Variants in NMU observed in about 807,000 individuals in gnomAD.
NMU encodes neuromedin U.
A neutral mutation model predicts 35.4 loss-of-function variants in NMU; 29 were observed. The observed-to-expected ratio is 0.82, with a 90% CI of 0.61 to 1.12. The LOEUF (loss-of-function observed/expected upper bound fraction) is 1.12, where lower values mean the gene tolerates loss of function less well. Among genes scored for constraint, NMU ranks in the 50% most tolerant of loss-of-function variants. NMU has a pLI of 0.00. For synonymous variants in NMU, 78 were observed against 81.3 expected, an observed-to-expected ratio of 0.96 and a Z score of 0.22; for missense variants, 199 against 206.2, an observed-to-expected ratio of 0.97 and a Z score of 0.21.
At chr4:55,603,206 T>C (rs1733496339) in intron 7 of NMU, among the ~76,000 whole-genome samples, 2 of 151,982 alleles carry the variant, frequency 1.3e-5, no homozygotes, top group African/African-American at 4.8e-5. Flanking sequence ...GAGACGGGAT[T>C]TCATCATGAT....
chr4:55,636,533 A>C (rs1377000310), upstream of NMU: 1 of 232,734 alleles, frequency 4.3e-6, no homozygotes, highest in East Asian at 9.6e-5. This position sits in a 1 kb window ranked among gnomAD's most constrained non-coding sequence, Gnocchi z 4.0. Context: ...TAAATAATGC[A>C]CCATTCCCAC....
chr4:55,598,150 A>G (rs1006422294), intron 9 of NMU, among the ~76,000 whole-genome samples: 3 of 134,712 alleles, frequency 2.2e-5, no homozygotes, highest in Non-Finnish European at 4.6e-5. Flanking sequence ...GCTGGAATGC[A>G]GAGGAAAGAT....
At chr4:55,599,388 T>G (rs1381097151) in intron 8 of NMU, among the ~76,000 whole-genome samples, 1 of 152,178 alleles carries the variant, frequency 6.6e-6, no homozygotes. Flanking sequence ...TCTAACAAGT[T>G]CTGAGGTGCT....
At chr4:55,625,231 C>T (rs2110208407) in intron 2 of NMU, among the ~76,000 whole-genome samples, 1 of 143,632 alleles carries the variant, frequency 7.0e-6, no homozygotes, top group East Asian at 2.1e-4. Context: ...CCAGCTGCAT[C>T]TTAACTTCTT....
chr4:55,617,515 A>G (rs1734152784), intron 2 of NMU, among the ~76,000 whole-genome samples: 2 of 152,030 alleles, frequency 1.3e-5, no homozygotes, highest in Non-Finnish European at 2.9e-5. Context: ...GGACACACAC[A>G]CACACACACA....
chr4:55,607,225 A>G (rs539411836), intron 6 of NMU, 73 bp downstream of exon 6: 4 of 1,093,960 alleles, frequency 3.7e-6, no homozygotes, highest in Non-Finnish European at 4.2e-6. Flanking sequence ...ATCTAGCTCT[A>G]TTATGCTGCA....
At chr4:55,604,238 G>T (rs1389119587) in intron 7 of NMU, among the ~76,000 whole-genome samples, 1 of 150,684 alleles carries the variant, frequency 6.6e-6, no homozygotes, top group Non-Finnish European at 1.5e-5. Context: ...GCTAATTTTT[G>T]TATTTTTAGT....
chr4:55,608,416 TG>T (rs748016084), intron 4 of NMU, among the ~76,000 whole-genome samples: 16 of 152,268 alleles, frequency 1.1e-4, no homozygotes, highest in Admixed American at 5.9e-4. Context: ...AAATTATGAA[TG>T]TTTTTTTCTT....
intron 2 of NMU, among the ~76,000 whole-genome samples, chr4:55,619,735 G>T (rs1157909581): frequency 1.4e-5 from 2 of 141,988 alleles, no homozygotes; most frequent in African/African-American, 5.2e-5. Context: ...CAAAAAGACA[G>T]CAGTAACCTC....
chr4:55,600,737 T>C (rs748530574), intron 7 of NMU, among the ~76,000 whole-genome samples, 162 bp from the exon 8 acceptor site: 7 of 152,038 alleles, frequency 4.6e-5, no homozygotes, highest in Non-Finnish European at 8.8e-5. Flanking sequence ...TACCTGAAAA[T>C]TTTCAACAAC....
Position 55,600,593 on chromosome 4 carries a change from G to T in NMU, c.436-18C>A, listed in dbSNP as rs769021806. The T allele has an allele frequency of 3.8e-6, 6 of 1,587,496 alleles. No individual in the cohort carries two copies. In the East Asian group the frequency reaches 1.3e-4, roughly 36 times the overall value. On this transcript the variant is annotated intron_variant, in intron 7 of 9. Transcript: ENST00000264218. ...AATTCTTCCTAGAAGAGAAAATGAG[G>T]GCATTACAAATCACATAACACTAAA...
At chr4:55,600,219 T>G (rs569190976) in intron 8 of NMU, among the ~76,000 whole-genome samples, 1 of 151,460 alleles carries the variant, frequency 6.6e-6, no homozygotes, top group African/African-American at 2.4e-5. Context: ...ACATAAGGAA[T>G]AGTGTATCTT....
Position 55,607,346 on chromosome 4 carries a change from G to T in NMU, c.312C>A (p.Phe104Leu), listed in dbSNP as rs776693365. The T allele has an allele frequency of 6.2e-7, 1 of 1,604,150 alleles. No homozygotes were observed. Among genetic ancestry groups the T allele is most frequent in the Non-Finnish European group, 8.5e-7 (1 of 1,171,772 alleles). ...EQDEKDNTKR[F>L]LFHYSKTQKL... is the part of the protein sequence containing the mutation. ...TCTGTGTCTTCGAATAATGAAATAA[G>T]AACTGTTTAAAAAAAGCAGTAAGTT... The change falls in exon 6 of 10, where the codon TTC becomes TTA. Residue 104 changes from phenylalanine (F) to leucine (L), a missense_variant and splice_region_variant. By Grantham distance (22) the Phe-to-Leu change is conservative. Coordinates refer to ENST00000264218, the MANE Select transcript of NMU (RefSeq NM_006681.4).
rs1165994937 is a variant in NMU at position 55,607,306 on chromosome 4, T to C, written c.352A>G (p.Asn118Asp). The C allele has an allele frequency of 1.9e-6, 3 of 1,606,598 alleles. No homozygotes were observed. In the African/African-American group the frequency reaches 4.0e-5, roughly 21 times the overall value. ...YSKTQKLGKSNVVSSVVHPLL... is the reference protein window; with the variant it reads ...YSKTQKLGKSDVVSSVVHPLL... Reference sequence around the variant, plus strand: ...GTAGTTCTACAACTTACCACAACATTTGACTTGCCCAACTTCTGTGTCTTC... The same window carrying C: ...GTAGTTCTACAACTTACCACAACATCTGACTTGCCCAACTTCTGTGTCTTC... Residue 118 changes from asparagine (N) to aspartate (D), a missense_variant, in exon 6 of 10, where the codon AAT (asparagine) becomes GAT (aspartate). Asn to Asp is a conservative substitution (Grantham distance 23). Coordinates refer to ENST00000264218, the MANE Select transcript of NMU (RefSeq NM_006681.4).
chr4:55,610,905 T>C (rs1733905641), intron 3 of NMU, among the ~76,000 whole-genome samples: 2 of 152,162 alleles, frequency 1.3e-5, no homozygotes, highest in African/African-American at 4.8e-5. Flanking sequence ...TGCATGCTTG[T>C]GTCTTCATTT....
chr4:55,611,152 A>G (rs896804455), intron 3 of NMU, among the ~76,000 whole-genome samples: 5 of 152,174 alleles, frequency 3.3e-5, no homozygotes, highest in Non-Finnish European at 5.9e-5. Flanking sequence ...GCTTGAGCCC[A>G]GGAGTTTGAG....
rs561095830 is a variant in NMU at position 55,625,633 on chromosome 4, C to T, written c.171+4769G>A. 5.9e-5 allele frequency among the ~76,000 whole-genome samples: 9 copies of T among 152,264 alleles called. No homozygotes were observed. The South Asian group carries it at 1.2e-3, about 21-fold the overall frequency. On this transcript the variant is annotated intron_variant, in intron 2 of 9. Coordinates refer to ENST00000264218, the MANE Select transcript of NMU (RefSeq NM_006681.4). Reference sequence around the variant, plus strand: ...CACTATCATCATTAGCCTTGCTTTACTTATTTATTCTTTTTATATTTCCAT... The same window carrying T: ...CACTATCATCATTAGCCTTGCTTTATTTATTTATTCTTTTTATATTTCCAT...
intron 6 of NMU, 45 bp from the exon 7 acceptor site, chr4:55,605,394 A>G: frequency 1.5e-6 from 2 of 1,308,476 alleles, no homozygotes; most frequent in South Asian, 2.4e-5. Flanking sequence ...ATGGCTTCTC[A>G]GCAGTGGCCA....
At chr4:55,598,089 G>GTTTTTTTTTTT (rs10588154) in intron 9 of NMU, among the ~76,000 whole-genome samples, 6 of 85,394 alleles carry the variant, frequency 7.0e-5, no homozygotes, top group African/African-American at 1.3e-4. Flanking sequence ...TTTGGTTGTG[G>GTTTTTTTTTTT]TTTTTTTTTT....
Sources: gnomAD v4.1 joint callset for allele counts (sites outside exome capture counted in the v4.1 genomes callset) on GRCh38, gnomAD v4.1.1 for gene constraint, Gnocchi (gnomAD v3.1) non-coding constraint, MANE v1.5 for transcripts, NCBI Gene and HGNC (gene_info 2026-07-23, HGNC 2026-07-21) for gene names.